MEF2D: variants seen among roughly 807,000 people sequenced by gnomAD.
MEF2D encodes the protein myocyte-specific enhancer factor 2D.
Under a neutral mutation model 59.3 loss-of-function variants are expected in MEF2D, and 10 were observed. That is an observed-to-expected ratio of 0.17 (90% CI 0.10 to 0.29). The LOEUF is 0.29. Among genes scored for constraint, MEF2D ranks in the 10% least tolerant of loss-of-function variants. The probability of loss-of-function intolerance (pLI) is 1.00; values close to 1 mark genes in which losing one functional copy is unlikely to be tolerated. For missense variants in MEF2D, 508 were observed against 699.4 expected, an observed-to-expected ratio of 0.73 and a Z score of 3.09; for synonymous variants, 305 against 295.0, an observed-to-expected ratio of 1.03 and a Z score of -0.35.
At chr1:156,498,500 C>T (rs952623879) in intron 1 of MEF2D, among the ~76,000 whole-genome samples, 122 of 152,146 alleles carry the variant, frequency 8.0e-4, no homozygotes, top group African/African-American at 2.1e-3. Flanking sequence ...AGTGGAAAGA[C>T]GAAAGCTCTG....
rs774459790 is a variant in MEF2D at position 156,467,668 on chromosome 1, G to A, written c.1555-12C>T. 2 of 1,342,534 alleles carry A rather than the reference G, an allele frequency of 1.5e-6. No individual in the cohort carries two copies. Among genetic ancestry groups the A allele is most frequent in the Non-Finnish European group, 1.9e-6 (2 of 1,039,040 alleles). 83.2% of individuals were successfully genotyped at this position (1,342,534 alleles called of 1,614,324 possible). A position where few individuals can be genotyped will look rare whatever the true frequency, so the allele number is the denominator to read the frequency against. On this transcript the variant is annotated splice_polypyrimidine_tract_variant and intron_variant, in intron 11 of 11. Transcript: ENST00000348159. Reference sequence around the variant, plus strand: ...CGTCACTTTAATGTCTGTGAAGAGAGGAGATGGAGAAGGGGGTGTGAGGGG... The same window carrying A: ...CGTCACTTTAATGTCTGTGAAGAGAAGAGATGGAGAAGGGGGTGTGAGGGG...
intron 1 of MEF2D, among the ~76,000 whole-genome samples, chr1:156,498,443 G>C (rs1035352471): frequency 6.6e-6 from 1 of 152,160 alleles, no homozygotes; most frequent in East Asian, 1.9e-4. Flanking sequence ...CGGACTGTAT[G>C]TCTCCCTTCC....
intron 6 of MEF2D, among the ~76,000 whole-genome samples, chr1:156,478,534 T>C (rs183113365): frequency 2.0e-5 from 3 of 152,222 alleles, no homozygotes; most frequent in African/African-American, 7.2e-5. Flanking sequence ...CTGTGGCTTA[T>C]TTTTTTATTT....
At chr1:156,467,902 T>C (rs1158802600) in intron 11 of MEF2D, 91 bp downstream of exon 11, 5 of 1,481,986 alleles carry the variant, frequency 3.4e-6, no homozygotes, top group African/African-American at 1.4e-5. Flanking sequence ...ACAAGGCCTC[T>C]TGGGTGGGAA....
Position 156,475,139 on chromosome 1 carries a change from G to A in MEF2D, c.975C>T (p.Pro325=), listed in dbSNP as rs372634988. Residue 325 remains proline, a synonymous_variant, in exon 9 of 12, where the codon CCC becomes CCT. Coordinates refer to ENST00000348159, the MANE Select transcript of MEF2D (RefSeq NM_005920.4). ...TGTAGGCAGTGGGCATGGAAGAGAAGGGGAGGCCCTGGCTGAGTAAACTCG... is the reference window on the plus strand; with the variant it reads ...TGTAGGCAGTGGGCATGGAAGAGAAAGGGAGGCCCTGGCTGAGTAAACTCG... ...ATPSLLSQGL[P]FSSMPTAYNT... 30 of 1,614,222 alleles carry A rather than the reference G, an allele frequency of 1.9e-5. No individual in the cohort carries two copies. In the South Asian group the frequency reaches 1.9e-4, roughly 10 times the overall value.
Position 156,468,058 on chromosome 1 carries a change from G to A in MEF2D, c.1489C>T (p.Leu497=), listed in dbSNP as rs538012943. ...GCCTCAGGCTCTGGGGCTGGGCGCAGCAGGCCCAGTGTGGGCCCGAAGTCC... is the reference window on the plus strand; with the variant it reads ...GCCTCAGGCTCTGGGGCTGGGCGCAACAGGCCCAGTGTGGGCCCGAAGTCC... The part of the protein sequence containing the change: ...RGDFGPTLGL[L]RPAPEPEAEG... Residue 497 remains leucine (L), a synonymous_variant, in exon 11 of 12, where the codon CTG becomes TTG. Coordinates refer to ENST00000348159, the MANE Select transcript of MEF2D (RefSeq NM_005920.4). The surrounding 1 kb of genome is among the most constrained non-coding windows in gnomAD (Gnocchi z 4.3). The A allele has an allele frequency of 1.7e-5, 27 of 1,614,066 alleles. No homozygotes were observed. The African/African-American group carries it at 2.9e-4, about 18-fold the overall frequency.
intron 1 of MEF2D, among the ~76,000 whole-genome samples, chr1:156,499,986 C>T (rs979271687): frequency 3.9e-5 from 6 of 152,126 alleles, no homozygotes; most frequent in Non-Finnish European, 8.8e-5. Flanking sequence ...GCGGCTCCCC[C>T]CGCCTCCACC....
At chr1:156,481,559 T>C (rs1571244041) in intron 3 of MEF2D, among the ~76,000 whole-genome samples, 1 of 152,226 alleles carries the variant, frequency 6.6e-6, no homozygotes, top group East Asian at 1.9e-4. Context: ...GAGGCACATC[T>C]GGGGGATCTG....
At chr1:156,485,028 C>G (rs1426494577) in intron 1 of MEF2D, among the ~76,000 whole-genome samples, 1 of 152,064 alleles carries the variant, frequency 6.6e-6, no homozygotes, top group Non-Finnish European at 1.5e-5. Context: ...CTATTTGGGT[C>G]CTGGGAGGAG....
chr1:156,487,041 G>A (rs1672418651), intron 1 of MEF2D, among the ~76,000 whole-genome samples: 1 of 152,156 alleles, frequency 6.6e-6, no homozygotes, highest in Admixed American at 6.5e-5. Context: ...CCCACCCTCA[G>A]GTTGGTTGGT....
chr1:156,484,832 G>A (rs1345104711), intron 1 of MEF2D, among the ~76,000 whole-genome samples: 1 of 152,218 alleles, frequency 6.6e-6, no homozygotes, highest in Non-Finnish European at 1.5e-5. Flanking sequence ...TCTCCGGTAT[G>A]GGCAGTGCCT....
chr1:156,468,509 CTT>C lies in MEF2D; in HGVS notation c.1248-212_1248-211del, dbSNP rs1671013504. On this transcript the variant is annotated intron_variant, in intron 10 of 11. Transcript: ENST00000348159. This position sits in a 1 kb window ranked among gnomAD's most constrained non-coding sequence, Gnocchi z 4.3. ...AAGGGAAATAAGAAATATTAGTTCT[CTT>C]TCCATCCCATGTCATCTTCTGCAAC... 6.6e-6 allele frequency among the ~76,000 whole-genome samples: 1 copy of C among 152,086 alleles called. No homozygotes were observed. The highest frequency in any genetic ancestry group is 1.5e-5 in the Non-Finnish European group (1 of 68,002).
At chr1:156,472,650 G>A (rs868066191) in intron 9 of MEF2D, among the ~76,000 whole-genome samples, 1 of 152,134 alleles carries the variant, frequency 6.6e-6, no homozygotes, top group South Asian at 2.1e-4. Flanking sequence ...CCAGGTTCAA[G>A]CAATTCTCCT....
At chr1:156,497,455 G>A (rs1673196084) in intron 1 of MEF2D, among the ~76,000 whole-genome samples, 1 of 152,238 alleles carries the variant, frequency 6.6e-6, no homozygotes, top group Admixed American at 6.5e-5. Flanking sequence ...AGTGCCATGA[G>A]ACTCAGAACC....
rs567971571 is a variant in MEF2D at position 156,492,441 on chromosome 1, T to C, written c.-139+8045A>G. 7.7e-4 allele frequency among the ~76,000 whole-genome samples: 117 copies of C among 152,348 alleles called. 4 individuals are homozygous for C. The highest frequency in any genetic ancestry group is 3.3e-4 in the Admixed American group (5 of 15,302). On this transcript the variant is annotated intron_variant, in intron 1 of 11. Transcript: ENST00000348159. ...AGGGCATGGAGGCCCCAGCATTGTA[T>C]GCCAACCAATGGGAGCTGCAGACAA...
At chr1:156,479,125 A>G (rs1277429204) in intron 6 of MEF2D, among the ~76,000 whole-genome samples, 165 bp downstream of exon 6, 2 of 152,200 alleles carry the variant, frequency 1.3e-5, no homozygotes, top group African/African-American at 2.4e-5. Flanking sequence ...ATTGCTACAG[A>G]AAACAAAATC....
At chr1:156,474,980 T>TG in intron 9 of MEF2D, 128 bp downstream of exon 9, 1 of 1,352,718 alleles carries the variant, frequency 7.4e-7, no homozygotes, top group Non-Finnish European at 1.0e-6. Flanking sequence ...CATAAGTAGG[T>TG]GGGGGTTCCC....
At chr1:156,490,515 C>CA (rs1312935716) in intron 1 of MEF2D, 1 of 152,410 alleles carries the variant, frequency 6.6e-6, no homozygotes, top group Non-Finnish European at 1.5e-5. Context: ...AACTCACCGA[C>CA]TGGGGACCTG....
intron 1 of MEF2D, among the ~76,000 whole-genome samples, chr1:156,483,904 T>C (rs567186695): frequency 6.6e-6 from 1 of 152,220 alleles, no homozygotes; most frequent in Non-Finnish European, 1.5e-5. Flanking sequence ...GGGATGTCTC[T>C]GGTGCCCCTG....
Sources: allele counts gnomAD v4.1 joint callset (sites outside exome capture counted in the v4.1 genomes callset), GRCh38; gene constraint gnomAD v4.1.1; non-coding constraint Gnocchi (gnomAD v3.1); transcripts MANE v1.5; gene names NCBI Gene and HGNC (gene_info 2026-07-23, HGNC 2026-07-21).